The following LRRC9 variants were observed in gnomAD, a reference collection of about 807,000 sequenced individuals.
LRRC9 encodes leucine-rich repeat-containing protein 9.
LRRC9 carries 122 observed loss-of-function variants against 63.2 expected under a neutral mutation model. The observed-to-expected ratio is 1.93, with a 90% CI of 1.67 to 2.24. LRRC9 has a LOEUF of 2.24. Among genes scored for constraint, LRRC9 ranks in the 30% most tolerant of loss-of-function variants. The pLI is 0.00. For missense variants in LRRC9, 1,071 were observed against 627.7 expected, an observed-to-expected ratio of 1.71 and a Z score of -7.55; for synonymous variants, 366 against 213.1, an observed-to-expected ratio of 1.72 and a Z score of -6.25.
chr14:59,985,734 A>G lies in LRRC9; in HGVS notation c.2211+510A>G, dbSNP rs147503810. ...TTGTAATTACGGCTTCATATCTACCATTTACAAGATTATACAGCCTAAATC... is the reference window on the plus strand; with the variant it reads ...TTGTAATTACGGCTTCATATCTACCGTTTACAAGATTATACAGCCTAAATC... On this transcript the variant is annotated intron_variant, in intron 17 of 31. Coordinates refer to ENST00000445360, the Ensembl canonical transcript of LRRC9. Among the ~76,000 whole-genome samples the G allele has an allele frequency of 2.6e-3, 403 of 152,210 alleles. 1 individual carries two copies. Among genetic ancestry groups the G allele is most frequent in the African/African-American group, 8.9e-3 (371 of 41,542 alleles).
At chr14:60,065,226 A>G (rs1894855957), downstream of LRRC9, among the ~76,000 whole-genome samples, 1 of 152,080 alleles carries the variant, frequency 6.6e-6, no homozygotes, top group African/African-American at 2.4e-5. Context: ...CTAAAAATAC[A>G]AAAATTAGCC....
chr14:59,996,737 G>A (rs1269028644), intron 17 of LRRC9, among the ~76,000 whole-genome samples: 1 of 152,148 alleles, frequency 6.6e-6, no homozygotes, highest in Non-Finnish European at 1.5e-5. Flanking sequence ...GAAAATGTTG[G>A]TACAAACTTC....
chr14:60,049,882 T>C (rs1488977995), intron 29 of LRRC9, among the ~76,000 whole-genome samples: 1 of 152,210 alleles, frequency 6.6e-6, no homozygotes, highest in Non-Finnish European at 1.5e-5. Flanking sequence ...CCCATCTCTT[T>C]CAGGTACCCC....
chr14:59,935,884 G>GT (rs1890099278), intron 6 of LRRC9, among the ~76,000 whole-genome samples: 1 of 152,212 alleles, frequency 6.6e-6, no homozygotes, highest in South Asian at 2.1e-4. Context: ...GGCTGAAGAA[G>GT]ATTAGTTCAG....
At chr14:59,999,126 T>C (rs1030769083) in exon 19 of LRRC9, 5 of 698,812 alleles carry the variant, frequency 7.2e-6, no homozygotes, top group South Asian at 1.5e-5. Flanking sequence ...CTGAGTGTTA[T>C]TGGCAGATTA....
At chr14:59,977,535 G>C (rs995483633) in intron 14 of LRRC9, among the ~76,000 whole-genome samples, 188 bp downstream of exon 14, 1 of 151,196 alleles carries the variant, frequency 6.6e-6, no homozygotes, top group Non-Finnish European at 1.5e-5. Flanking sequence ...GGTGTGGGTA[G>C]ATAATCTGGC....
In LRRC9 at chr14:59,966,212, C is replaced by T. The variant is rs1288063242; in HGVS notation, c.1212-377C>T. Among the ~76,000 whole-genome samples, 1 of 152,088 alleles carries T rather than the reference C, an allele frequency of 6.6e-6. No individual in the cohort carries two copies. The highest frequency in any genetic ancestry group is 6.6e-5 in the Admixed American group (1 of 15,262). On this transcript the variant is annotated intron_variant, in intron 10 of 31. Transcript: ENST00000445360. This position sits in a 1 kb window ranked among gnomAD's most constrained non-coding sequence, Gnocchi z 4.0. ...ATAAAGCCAAGGAACCACGTGAAAT[C>T]ATCTAGGGAGAGTGTTCGTGGAAGC... is the stretch of plus-strand genomic sequence containing the variant.
chr14:59,952,113 G>A (rs1388529804), intron 8 of LRRC9, among the ~76,000 whole-genome samples: 3 of 152,116 alleles, frequency 2.0e-5, no homozygotes, highest in African/African-American at 7.2e-5. Context: ...CTGCCGCCTT[G>A]CAGTTTGATC....
At chr14:59,951,421 A>T (rs1167063613) in intron 8 of LRRC9, among the ~76,000 whole-genome samples, 3 of 108,530 alleles carry the variant, frequency 2.8e-5, no homozygotes, top group African/African-American at 1.0e-4. Context: ...CAAAGTTTTC[A>T]ACTTCTTTGA....
At chr14:60,014,805 T>C (rs909030537) in intron 23 of LRRC9, among the ~76,000 whole-genome samples, 1 of 152,178 alleles carries the variant, frequency 6.6e-6, no homozygotes, top group African/African-American at 2.4e-5. Flanking sequence ...TTATGTCTTT[T>C]GCCAGATTTG....
At chr14:59,957,410 G>C (rs1883880309) in intron 8 of LRRC9, among the ~76,000 whole-genome samples, 2 of 151,916 alleles carry the variant, frequency 1.3e-5, no homozygotes, top group South Asian at 4.1e-4. Flanking sequence ...TATTCTGCTT[G>C]ATAGATTTCA....
intron 23 of LRRC9, among the ~76,000 whole-genome samples, chr14:60,009,672 A>G (rs1890099393): frequency 6.6e-6 from 1 of 152,156 alleles, no homozygotes; most frequent in African/African-American, 2.4e-5. Flanking sequence ...TTAGTTCAAA[A>G]TTCCACAGTC....
At chr14:59,949,260 T>G (rs920554276) in intron 8 of LRRC9, among the ~76,000 whole-genome samples, 5 of 152,212 alleles carry the variant, frequency 3.3e-5, no homozygotes, top group South Asian at 2.1e-4. Flanking sequence ...GTCGAGGAAT[T>G]TATCCATTTA....
chr14:60,014,666 T>A (rs1890532611), intron 23 of LRRC9, among the ~76,000 whole-genome samples: 1 of 152,134 alleles, frequency 6.6e-6, no homozygotes, highest in South Asian at 2.1e-4. Flanking sequence ...TCTGTCACTG[T>A]TTTCATGCCT....
In LRRC9 at chr14:59,958,860, G is replaced by A. The variant is rs1170266678; in HGVS notation, c.883-958G>A. 6.6e-6 allele frequency among the ~76,000 whole-genome samples: 1 copy of A among 152,208 alleles called. No individual in the cohort carries two copies. Among genetic ancestry groups the A allele is most frequent in the African/African-American group, 2.4e-5 (1 of 41,454 alleles). On this transcript the variant is annotated intron_variant, in intron 8 of 31. Coordinates refer to ENST00000445360, the Ensembl canonical transcript of LRRC9. The surrounding 1 kb of genome is among the most constrained non-coding windows in gnomAD (Gnocchi z 4.0). ...CCCTCACAGCTTACCTTGGCTGGGG[G>A]AGGGAGGTCCCTGCTCCTTGCACTT...
intron 17 of LRRC9, among the ~76,000 whole-genome samples, chr14:59,994,213 C>T (rs988721672): frequency 3.9e-5 from 6 of 152,132 alleles, no homozygotes; most frequent in African/African-American, 7.2e-5. Context: ...TATGAACAGA[C>T]ACTTCTCAAA....
At chr14:59,946,576 T>C (rs1314331819) in intron 8 of LRRC9, among the ~76,000 whole-genome samples, 1 of 148,892 alleles carries the variant, frequency 6.7e-6, no homozygotes, top group South Asian at 2.1e-4. Flanking sequence ...TACATATGTA[T>C]ACATGTGCCA....
In LRRC9 at chr14:59,966,575, G is replaced by A. The variant is rs976520213; in HGVS notation, c.1212-14G>A. 4 of 639,908 alleles carry A rather than the reference G, an allele frequency of 6.3e-6. No homozygotes were observed. In the African/African-American group the frequency reaches 7.3e-5, roughly 12 times the overall value. The allele number at this position is 639,908 out of a possible 1,614,324, so 39.6% of individuals were successfully genotyped here. A position where few individuals can be genotyped will look rare whatever the true frequency, so the allele number is the denominator to read the frequency against. The stretch of plus-strand genomic sequence containing the variant: ...TATTTTCTTCATGTATATTCTGTAT[G>A]TATTCCCACATAGGTTTAATTTCTG... On this transcript the variant is annotated splice_polypyrimidine_tract_variant and intron_variant, in intron 10 of 31. Transcript: ENST00000445360. This position sits in a 1 kb window ranked among gnomAD's most constrained non-coding sequence, Gnocchi z 4.0.
chr14:60,057,282 T>A (rs891756516), intron 30 of LRRC9, among the ~76,000 whole-genome samples: 4 of 152,152 alleles, frequency 2.6e-5, no homozygotes, highest in African/African-American at 9.7e-5. Context: ...TATTTGCTGA[T>A]TCCTGAAATT....
Sources: allele counts gnomAD v4.1 joint callset (sites outside exome capture counted in the v4.1 genomes callset), GRCh38; gene constraint gnomAD v4.1.1; non-coding constraint Gnocchi (gnomAD v3.1); transcripts MANE v1.5; gene names NCBI Gene and HGNC (gene_info 2026-07-23, HGNC 2026-07-21).